The following COX7B2 variants were observed in gnomAD, a reference collection of about 807,000 sequenced individuals.
COX7B2 encodes the protein cytochrome c oxidase subunit 7B2, mitochondrial.
For synonymous variants in COX7B2, 37 were observed against 32.1 expected, an observed-to-expected ratio of 1.15 and a Z score of -0.51; for missense variants, 109 against 95.9, an observed-to-expected ratio of 1.14 and a Z score of -0.57.
At chr4:46,791,805 A>C (rs1718062514) in intron 2 of COX7B2, among the ~76,000 whole-genome samples, 1 of 152,126 alleles carries the variant, frequency 6.6e-6, no homozygotes, top group African/African-American at 2.4e-5. Context: ...ACACTGAAAA[A>C]ACAGGATCCC....
intron 1 of COX7B2, among the ~76,000 whole-genome samples, chr4:46,899,636 C>T (rs1352671503): frequency 1.3e-5 from 2 of 152,204 alleles, no homozygotes; most frequent in Admixed American, 6.5e-5. Flanking sequence ...AGTACAGATT[C>T]TTCTCTGTAG....
intron 2 of COX7B2, among the ~76,000 whole-genome samples, chr4:46,817,172 G>A (rs1246861412): frequency 1.3e-5 from 2 of 152,192 alleles, no homozygotes; most frequent in Non-Finnish European, 1.5e-5. Flanking sequence ...CTTTGCTAGA[G>A]TTTATCTTGG....
At chr4:46,830,136 C>T (rs1444491873) in intron 2 of COX7B2, among the ~76,000 whole-genome samples, 3 of 151,798 alleles carry the variant, frequency 2.0e-5, no homozygotes, top group Non-Finnish European at 4.4e-5. Context: ...CCAGCCTGGC[C>T]AACATGGTGA....
intron 1 of COX7B2, among the ~76,000 whole-genome samples, chr4:46,904,483 A>G (rs1720257223): frequency 6.6e-6 from 1 of 152,226 alleles, no homozygotes; most frequent in African/African-American, 2.4e-5. Context: ...TAAATAATAA[A>G]TACAAATTAA....
At chr4:46,857,000 A>G (rs1717044118) in intron 1 of COX7B2, among the ~76,000 whole-genome samples, 2 of 152,248 alleles carry the variant, frequency 1.3e-5, no homozygotes, top group South Asian at 2.1e-4. Context: ...TTAAAAGTTA[A>G]ACTTCAAGTA....
chr4:46,900,882 G>A (rs1321855991), intron 1 of COX7B2, among the ~76,000 whole-genome samples: 1 of 152,112 alleles, frequency 6.6e-6, no homozygotes. Context: ...TTGCTTATAA[G>A]CTACCCAGAT....
chr4:46,841,608 G>A (rs1321629509), intron 2 of COX7B2, among the ~76,000 whole-genome samples: 1 of 151,840 alleles, frequency 6.6e-6, no homozygotes, highest in Admixed American at 6.6e-5. Context: ...ACCTAAACAA[G>A]AAAACAGTCA....
At chr4:46,747,892 T>C (rs1409004760) in intron 2 of COX7B2, among the ~76,000 whole-genome samples, 1 of 151,432 alleles carries the variant, frequency 6.6e-6, no homozygotes, top group Non-Finnish European at 1.5e-5. Context: ...TATGAAATAA[T>C]AGCCGATATG....
At chr4:46,765,969 C>G (rs1313833428) in intron 2 of COX7B2, among the ~76,000 whole-genome samples, 2 of 152,100 alleles carry the variant, frequency 1.3e-5, no homozygotes, top group African/African-American at 2.4e-5. Flanking sequence ...CTCCGTGGAT[C>G]CAGGTGCCAA....
intron 2 of COX7B2, among the ~76,000 whole-genome samples, chr4:46,828,921 T>C (rs1385608075): frequency 6.6e-6 from 1 of 152,160 alleles, no homozygotes; most frequent in African/African-American, 2.4e-5. Context: ...ATTAACTCTC[T>C]GCATATAAAA....
chr4:46,786,778 G>A lies in COX7B2; in HGVS notation c.-49-51537C>T, dbSNP rs764643821. 1.6e-4 allele frequency among the ~76,000 whole-genome samples: 25 copies of A among 152,078 alleles called. 1 individual carries two copies. Among genetic ancestry groups the A allele is most frequent in the African/African-American group, 5.1e-4 (21 of 41,370 alleles). ...GGAAAGTAGCAAGGTAGGGATGCCCGGCTAGAGAAAAAGATGCCTGTAGGT... is the reference window on the plus strand; with the variant it reads ...GGAAAGTAGCAAGGTAGGGATGCCCAGCTAGAGAAAAAGATGCCTGTAGGT... On this transcript the variant is annotated intron_variant, in intron 2 of 2. Coordinates refer to ENST00000355591, the MANE Select transcript of COX7B2 (RefSeq NM_130902.3).
intron 2 of COX7B2, among the ~76,000 whole-genome samples, chr4:46,753,748 A>C (rs903047813): frequency 2.6e-4 from 39 of 152,126 alleles, no homozygotes; most frequent in African/African-American, 8.4e-4. Context: ...CTGCAGAGCA[A>C]AAGAAACTAC....
intron 2 of COX7B2, among the ~76,000 whole-genome samples, chr4:46,793,561 C>T (rs1048354144): frequency 3.3e-5 from 5 of 152,102 alleles, no homozygotes; most frequent in African/African-American, 7.2e-5. Context: ...CCTAATGCTG[C>T]CAAAGTGTTG....
At chr4:46,806,458 A>G (rs913310447) in intron 2 of COX7B2, among the ~76,000 whole-genome samples, 1 of 152,026 alleles carries the variant, frequency 6.6e-6, no homozygotes, top group Admixed American at 6.6e-5. Flanking sequence ...ATATAATATG[A>G]TATTATGAGG....
intron 1 of COX7B2, among the ~76,000 whole-genome samples, chr4:46,874,146 A>C (rs1275923033): frequency 1.3e-5 from 2 of 152,212 alleles, no homozygotes; most frequent in Non-Finnish European, 2.9e-5. Flanking sequence ...TTAAAAAAAG[A>C]AAGCATGGGC....
At chr4:46,743,854 T>C (rs573867362) in intron 2 of COX7B2, among the ~76,000 whole-genome samples, 13 of 152,298 alleles carry the variant, frequency 8.5e-5, no homozygotes, top group Non-Finnish European at 1.8e-4. Context: ...CTCAATATTG[T>C]TACATCACTG....
intron 2 of COX7B2, among the ~76,000 whole-genome samples, chr4:46,774,205 AAAACAAAC>A (rs886835788): frequency 4.6e-5 from 7 of 152,242 alleles, no homozygotes; most frequent in Admixed American, 1.3e-4. Context: ...TGTTTATCTT[AAAACAAAC>A]AAACAAACAA....
intron 2 of COX7B2, among the ~76,000 whole-genome samples, chr4:46,819,027 A>C (rs564008468): frequency 6.6e-6 from 1 of 152,306 alleles, no homozygotes; most frequent in South Asian, 2.1e-4. Flanking sequence ...AAATGAATAA[A>C]ATGTTTTCAG....
intron 2 of COX7B2, among the ~76,000 whole-genome samples, chr4:46,760,572 G>C (rs932749967): frequency 6.6e-6 from 1 of 152,068 alleles, no homozygotes; most frequent in Non-Finnish European, 1.5e-5. Flanking sequence ...ATGGGGGTCT[G>C]GGGGAGGGAT....
Sources: gnomAD v4.1 joint callset for allele counts (sites outside exome capture counted in the v4.1 genomes callset) on GRCh38, gnomAD v4.1.1 for gene constraint, MANE v1.5 for transcripts, NCBI Gene and HGNC (gene_info 2026-07-23, HGNC 2026-07-21) for gene names.